DRAM1: variants seen among roughly 807,000 people sequenced by gnomAD.
DRAM1 encodes DNA damage-regulated autophagy modulator protein 1.
In DRAM1, 25 loss-of-function variants were observed where a neutral mutation model predicts 28.5. That is an observed-to-expected ratio of 0.88 (90% CI 0.64 to 1.23). DRAM1 has a LOEUF of 1.23. Ranked by LOEUF, DRAM1 falls within the 50% of genes most tolerant of loss-of-function variation. DRAM1 has a pLI of 0.00. For synonymous variants in DRAM1, 113 were observed against 114.2 expected (o/e 0.99, Z 0.07); for missense variants, 249 against 299.2 (o/e 0.83, Z 1.24).
intron 5 of DRAM1, among the ~76,000 whole-genome samples, chr12:101,919,464 T>C (rs1009613877): frequency 9.9e-5 from 15 of 152,228 alleles, no homozygotes; most frequent in African/African-American, 3.6e-4. Flanking sequence ...GCAACTGAGT[T>C]TGGAACATCT....
At chr12:101,908,072 G>A in intron 3 of DRAM1, 114 bp from the exon 4 acceptor site, 1 of 840,166 alleles carries the variant, frequency 1.2e-6, no homozygotes, top group Non-Finnish European at 1.8e-6. Context: ...CATTTTCCAA[G>A]AAGTGGTGCA....
intron 1 of DRAM1, among the ~76,000 whole-genome samples, chr12:101,895,202 T>G (rs1873310211): frequency 7.6e-6 from 1 of 130,998 alleles, no homozygotes. Flanking sequence ...TTTTTTTTTT[T>G]TTTTTTTTTT....
rs745800620 is a variant in DRAM1 at position 101,921,197 on chromosome 12, C to T, written c.673-19C>T. 1.0e-5 allele frequency: 16 copies of T among 1,568,854 alleles called. No individual in the cohort carries two copies. Among genetic ancestry groups the T allele is most frequent in the Non-Finnish European group, 1.1e-5 (13 of 1,139,096 alleles). ...TGTTTAACTTCTTTTAAACCTTTCT[C>T]TTTCATTTTTAAAAATAGAGTGTCA... On this transcript the variant is annotated intron_variant, in intron 6 of 6. Transcript: ENST00000258534.
Position 101,877,699 on chromosome 12 carries a change from A to G in DRAM1, c.-91A>G. 2.8e-6 allele frequency: 3 copies of G among 1,064,056 alleles called. No individual in the cohort carries two copies. The South Asian group carries it at 1.0e-4, about 37-fold the overall frequency. 65.9% of individuals were successfully genotyped at this position (1,064,056 alleles called of 1,614,324 possible). On this transcript the variant is annotated 5_prime_UTR_variant, in exon 1 of 7. Transcript: ENST00000258534. The surrounding 1 kb of genome is among the most constrained non-coding windows in gnomAD (Gnocchi z 4.1). Reference sequence around the variant, plus strand: ...CTCCCCTCCCACCGTCCGTGAGTGTACGCGCCCGGCCGCCGCCTCCAGGCA... The same window carrying G: ...CTCCCCTCCCACCGTCCGTGAGTGTGCGCGCCCGGCCGCCGCCTCCAGGCA...
chr12:101,914,379 A>T (rs752674922), intron 5 of DRAM1, 147 bp downstream of exon 5: 8 of 500,090 alleles, frequency 1.6e-5, no homozygotes, highest in African/African-American at 2.0e-5. Flanking sequence ...TTACTGTCCA[A>T]TCATTTGGCA....
At chr12:101,901,868 CAAAA>C (rs57574986) in intron 3 of DRAM1, among the ~76,000 whole-genome samples, 2 of 114,346 alleles carry the variant, frequency 1.7e-5, no homozygotes. Context: ...GACTCTATCT[CAAAA>C]AAAAAAAAAA....
intron 1 of DRAM1, among the ~76,000 whole-genome samples, chr12:101,882,423 T>C (rs1344464062): frequency 6.6e-6 from 1 of 151,200 alleles, no homozygotes; most frequent in Non-Finnish European, 1.5e-5. Flanking sequence ...GATGGTCTAA[T>C]GTTTTTAGCA....
chr12:101,920,641 G>A (rs146307705), intron 6 of DRAM1, among the ~76,000 whole-genome samples: 1,923 of 152,280 alleles, frequency 0.013, 20 homozygotes, highest in Non-Finnish European at 0.018. Flanking sequence ...GCCAGGTGTG[G>A]TGGTTCACAT....
chr12:101,914,638 A>G (rs1874166344), intron 5 of DRAM1, among the ~76,000 whole-genome samples: 2 of 151,810 alleles, frequency 1.3e-5, no homozygotes, highest in Admixed American at 6.6e-5. Flanking sequence ...ACCTGCCACA[A>G]GGCCCAGCTA....
chr12:101,914,144 G>GTA, intron 4 of DRAM1, 30 bp from the exon 5 acceptor site: 1 of 1,521,426 alleles, frequency 6.6e-7, no homozygotes, highest in South Asian at 1.2e-5. Flanking sequence ...GTTGTGTGCT[G>GTA]TAGTTTCCTT....
intron 1 of DRAM1, among the ~76,000 whole-genome samples, chr12:101,881,329 T>G (rs373502407): frequency 8.7e-5 from 13 of 149,148 alleles, no homozygotes; most frequent in African/African-American, 3.0e-4. Context: ...TACATTTATC[T>G]ACTGGCCTTG....
chr12:101,883,331 T>TTTTG (rs1872756714), intron 1 of DRAM1, among the ~76,000 whole-genome samples: 1 of 143,818 alleles, frequency 7.0e-6, no homozygotes, highest in Admixed American at 6.8e-5. Flanking sequence ...TTTTTTTTTT[T>TTTTG]GAGATGGAGT....
At chr12:101,919,003 C>A (rs2051670516) in intron 5 of DRAM1, among the ~76,000 whole-genome samples, 1 of 151,938 alleles carries the variant, frequency 6.6e-6, no homozygotes, top group Non-Finnish European at 1.5e-5. Flanking sequence ...TTCACTGCAA[C>A]CTCTATCCCC....
intron 1 of DRAM1, among the ~76,000 whole-genome samples, chr12:101,895,239 G>T (rs551582798): frequency 8.1e-6 from 1 of 123,062 alleles, no homozygotes; most frequent in African/African-American, 3.1e-5. Context: ...GTGCAGTGGC[G>T]TGATCTCAGC....
intron 1 of DRAM1, among the ~76,000 whole-genome samples, chr12:101,884,465 T>C (rs575312809): frequency 6.6e-6 from 1 of 152,218 alleles, no homozygotes; most frequent in African/African-American, 2.4e-5. Flanking sequence ...ATCAAATTAT[T>C]AACTTTTTCC....
At chr12:101,912,426 A>C (rs1352872263) in intron 4 of DRAM1, among the ~76,000 whole-genome samples, 4 of 152,186 alleles carry the variant, frequency 2.6e-5, no homozygotes, top group Non-Finnish European at 5.9e-5. Context: ...GGTCTGGTCC[A>C]ACAAAGTTGT....
chr12:101,904,073 G>T (rs937113748), intron 3 of DRAM1, among the ~76,000 whole-genome samples: 1 of 152,004 alleles, frequency 6.6e-6, no homozygotes, highest in African/African-American at 2.4e-5. Context: ...TGCAACCTCC[G>T]CCTCTCAGGT....
At chr12:101,919,307 G>C (rs1047256138) in intron 5 of DRAM1, among the ~76,000 whole-genome samples, 2 of 124,816 alleles carry the variant, frequency 1.6e-5, no homozygotes, top group Non-Finnish European at 3.2e-5. Context: ...CACACACACG[G>C]TTTTGTTTTT....
Position 101,903,962 on chromosome 12 carries a change from C to CCCA in DRAM1, c.342+2531_342+2532insACC, listed in dbSNP as rs57643352. 5.6e-5 allele frequency among the ~76,000 whole-genome samples: 7 copies of CCCA among 124,430 alleles called. No individual in the cohort carries two copies. The East Asian group carries it at 1.7e-3, about 30-fold the overall frequency. 81.6% of individuals were successfully genotyped at this position (124,430 alleles called of 152,430 possible). On this transcript the variant is annotated intron_variant, in intron 3 of 6. Coordinates refer to ENST00000258534, the MANE Select transcript of DRAM1 (RefSeq NM_018370.3). Reference sequence around the variant, plus strand: ...ACACACACACACACACACACACACACCCCTATAAGCCTCATAAATATGAAC... The same window carrying CCCA: ...ACACACACACACACACACACACACACCCACCCTATAAGCCTCATAAATATGAAC...
Sources: allele counts gnomAD v4.1 joint callset (sites outside exome capture counted in the v4.1 genomes callset), GRCh38; gene constraint gnomAD v4.1.1; non-coding constraint Gnocchi (gnomAD v3.1); transcripts MANE v1.5; gene names NCBI Gene and HGNC (gene_info 2026-07-23, HGNC 2026-07-21).